The following TP73 variants were observed in gnomAD, a reference collection of about 807,000 sequenced individuals.
TP73 encodes p53-like transcription factor.
TP73 carries 25 observed loss-of-function variants against 62.5 expected under a neutral mutation model. The ratio of observed to expected loss-of-function variants is 0.40; its 90% CI spans 0.29 to 0.56. TP73 has a LOEUF of 0.56. TP73 is among the 20% of genes least tolerant of loss of function. The pLI is 0.46. For missense variants in TP73, 754 were observed against 913.3 expected (o/e 0.83, Z 2.25); for synonymous variants, 423 against 377.5 (o/e 1.12, Z -1.40).
chr1:3,727,488 C>G (rs765466748), intron 7 of TP73, 140 bp from the exon 8 acceptor site: 109 of 1,276,062 alleles, frequency 8.5e-5, no homozygotes, highest in Non-Finnish European at 1.1e-4. Context: ...AGCGGGAACA[C>G]TCGCTGCCGG....
At chr1:3,654,554 C>T (rs1365325249) in intron 1 of TP73, among the ~76,000 whole-genome samples, 1 of 152,226 alleles carries the variant, frequency 6.6e-6, no homozygotes, top group Non-Finnish European at 1.5e-5. Flanking sequence ...ATAGTAGTTC[C>T]TGCCTCAGAG....
intron 1 of TP73, among the ~76,000 whole-genome samples, chr1:3,658,765 G>T (rs1268338024): frequency 2.0e-5 from 3 of 150,994 alleles, no homozygotes; most frequent in Non-Finnish European, 4.4e-5. Context: ...CATATTTTGG[G>T]GTGACGTATT....
chr1:3,722,691 GGGGTGGGCACCTCTCTGCACCTGGCA>G (rs1641167910), intron 5 of TP73, among the ~76,000 whole-genome samples: 2 of 110,824 alleles, frequency 1.8e-5, no homozygotes, highest in African/African-American at 1.3e-4. Flanking sequence ...ACCTGGCACA[GGGGTGGGCACCTCTCTGCACCTGGCA>G]CAGGGCTGGG....
chr1:3,733,227 C>A lies in TP73; in HGVS notation c.*148C>A. 1.0e-6 allele frequency: 1 copy of A among 986,448 alleles called. No homozygotes were observed. The highest frequency in any genetic ancestry group is 1.5e-6 in the Non-Finnish European group (1 of 689,146). The allele number at this position is 986,448 out of a possible 1,614,324, so 61.1% of individuals were successfully genotyped here. On this transcript the variant is annotated 3_prime_UTR_variant, in exon 14 of 14. Coordinates refer to ENST00000378295, the MANE Select transcript of TP73 (RefSeq NM_005427.4). ...AGGTCCGGCCCATCCCCAGGCACCT[C>A]ACAGGCCCCAGGAAAGGCCCAGCCA...
At chr1:3,656,472 G>A (rs1015865881) in intron 1 of TP73, among the ~76,000 whole-genome samples, 8 of 152,208 alleles carry the variant, frequency 5.3e-5, no homozygotes, top group Non-Finnish European at 1.5e-5. Context: ...CTGTGAGCTG[G>A]TACTTGGCTA....
chr1:3,727,695 G>T lies in TP73; in HGVS notation c.910G>T (p.Ala304Ser). The change falls in exon 8 of 14, where the codon GCT (alanine) becomes TCT (serine). Residue 304 changes from alanine (A) to serine (S), a missense_variant. By Grantham distance (99) the Ala-to-Ser change is moderately conservative. Coordinates refer to ENST00000378295, the MANE Select transcript of TP73 (RefSeq NM_005427.4). ...CGCCTGTCCTGGCCGCGACCGAAAA[G>T]CTGATGAGGACCACTACCGGGAGCA... ...ICACPGRDRK[A>S]DEDHYREQQA... 1.3e-6 allele frequency: 2 copies of T among 1,588,836 alleles called. No homozygotes were observed. Among genetic ancestry groups the T allele is most frequent in the Non-Finnish European group, 1.7e-6 (2 of 1,169,848 alleles).
chr1:3,694,846 CTG>C (rs1176851805), intron 3 of TP73, among the ~76,000 whole-genome samples: 1 of 144,862 alleles, frequency 6.9e-6, no homozygotes. Flanking sequence ...GCCCCTCCTC[CTG>C]CAATCCCAGC....
At position 3,656,879 on chromosome 1, in the gene TP73, G is replaced by A. The variant is rs560399775; in HGVS notation, c.-34+4238G>A. 3.3e-4 allele frequency among the ~76,000 whole-genome samples: 50 copies of A among 152,372 alleles called. No individual in the cohort carries two copies. The Middle Eastern group carries it at 0.014, about 41-fold the overall frequency. ...TTTCCTCTAGTTTTGAATGTAGGCA[G>A]CAAACTACAGTCATAGCAGTACCTG... On this transcript the variant is annotated intron_variant, in intron 1 of 13. Coordinates refer to ENST00000378295, the MANE Select transcript of TP73 (RefSeq NM_005427.4).
At chr1:3,719,679 G>A (rs1640897686) in intron 4 of TP73, among the ~76,000 whole-genome samples, 1 of 152,208 alleles carries the variant, frequency 6.6e-6, no homozygotes, top group African/African-American at 2.4e-5. Context: ...CCTTCCAAGT[G>A]ATGCTGTGGG....
At chr1:3,700,411 C>T (rs4610947) in intron 3 of TP73, among the ~76,000 whole-genome samples, 1 of 151,954 alleles carries the variant, frequency 6.6e-6, no homozygotes, top group African/African-American at 2.4e-5. Flanking sequence ...ATATCCTAGG[C>T]TCTGATAAAA....
intron 1 of TP73, among the ~76,000 whole-genome samples, chr1:3,674,824 T>A (rs529694172): frequency 2.6e-5 from 4 of 152,290 alleles, no homozygotes; most frequent in Non-Finnish European, 5.9e-5. Flanking sequence ...GGAATTCCGC[T>A]GGGCTGCTGC....
rs1050883905 is a variant in TP73, at chr1:3,666,566, C to T, written c.-34+13925C>T. 2.8e-4 allele frequency among the ~76,000 whole-genome samples: 42 copies of T among 152,124 alleles called. No homozygotes were observed. The highest frequency in any genetic ancestry group is 7.0e-4 in the African/African-American group (29 of 41,486). Reference sequence around the variant, plus strand: ...CTGACAGTGAAGGTGGGTGCGTGGGCGGGGGGCTTTTAATGGTCCCTCTGC... The same window carrying T: ...CTGACAGTGAAGGTGGGTGCGTGGGTGGGGGGCTTTTAATGGTCCCTCTGC... On this transcript the variant is annotated intron_variant, in intron 1 of 13. Transcript: ENST00000378295. The surrounding 1 kb of genome is among the most constrained non-coding windows in gnomAD (Gnocchi z 6.4).
At chr1:3,683,033 G>A (rs142260199) in intron 2 of TP73, 27 bp from the exon 3 acceptor site, 237 of 1,589,174 alleles carry the variant, frequency 1.5e-4, no homozygotes, top group Middle Eastern at 5.0e-4. Context: ...GGGGACTGAC[G>A]CTTCTATTTT....
chr1:3,664,509 G>T (rs1645068976), intron 1 of TP73, among the ~76,000 whole-genome samples: 1 of 152,190 alleles, frequency 6.6e-6, no homozygotes, highest in Non-Finnish European at 1.5e-5. Flanking sequence ...CGCCCGTACT[G>T]CACCATTTCC....
rs1645217047 is a variant in TP73 at position 3,670,553 on chromosome 1, C to T, written c.-33-11780C>T. Among the ~76,000 whole-genome samples, 1 of 152,096 alleles carries T rather than the reference C, an allele frequency of 6.6e-6. No homozygotes were observed. Among genetic ancestry groups the T allele is most frequent in the South Asian group, 2.1e-4 (1 of 4,832 alleles). On this transcript the variant is annotated intron_variant, in intron 1 of 13. Coordinates refer to ENST00000378295, the MANE Select transcript of TP73 (RefSeq NM_005427.4). The surrounding 1 kb of genome is among the most constrained non-coding windows in gnomAD (Gnocchi z 5.9). ...GTGGCGCACACAGCTGTAATCCCAG[C>T]TACTGGGGAGGCTGAGTCAGAAGAA...
chr1:3,725,420 T>A (rs1189053465), intron 6 of TP73, among the ~76,000 whole-genome samples: 1 of 123,750 alleles, frequency 8.1e-6, no homozygotes, highest in African/African-American at 3.2e-5. Flanking sequence ...GATGAATGGA[T>A]GGATGGGTAG....
intron 11 of TP73, 66 bp from the exon 12 acceptor site, chr1:3,730,861 T>C (rs992459493): frequency 2.6e-6 from 4 of 1,513,616 alleles, no homozygotes; most frequent in African/African-American, 2.8e-5. Context: ...GTCTGGAGCC[T>C]GGGTGGAGGC....
In TP73 at chr1:3,698,304, G is replaced by A. The variant is rs79086369; in HGVS notation, c.187-9245G>A. Among the ~76,000 whole-genome samples, 14 of 152,304 alleles carry A rather than the reference G, an allele frequency of 9.2e-5. No homozygotes were observed. The East Asian group carries it at 1.4e-3, about 15-fold the overall frequency. On this transcript the variant is annotated intron_variant, in intron 3 of 13. Coordinates refer to ENST00000378295, the MANE Select transcript of TP73 (RefSeq NM_005427.4). ...GCTGTGCCTTCCCCCTCGTCTTCCC[G>A]GGCACTCGGCATTCTGGGTGGGAGG...
Position 3,683,074 on chromosome 1 carries a change from C to T in TP73, c.80C>T (p.Thr27Ile). Residue 27 changes from threonine (T) to isoleucine (I), a missense_variant, in exon 3 of 14, where the codon ACC becomes ATC. Physicochemically the swap from Thr to Ile is moderately conservative, Grantham distance 89. Coordinates refer to ENST00000378295, the MANE Select transcript of TP73 (RefSeq NM_005427.4). ...HLWSSLEPDS[T>I]YFDLPQSSRG... ...CCCTGCCCCAGGGAACCAGACAGCACCTACTTCGACCTTCCCCAGTCAAGC... is the reference window on the plus strand; with the variant it reads ...CCCTGCCCCAGGGAACCAGACAGCATCTACTTCGACCTTCCCCAGTCAAGC... The T allele has an allele frequency of 1.2e-6, 2 of 1,609,106 alleles. No homozygotes were observed. The highest frequency in any genetic ancestry group is 1.7e-6 in the Non-Finnish European group (2 of 1,176,170).
Sources: allele counts gnomAD v4.1 joint callset (sites outside exome capture counted in the v4.1 genomes callset), GRCh38; gene constraint gnomAD v4.1.1; non-coding constraint Gnocchi (gnomAD v3.1); transcripts MANE v1.5; gene names NCBI Gene and HGNC (gene_info 2026-07-23, HGNC 2026-07-21).